The following CNBD1 variants were observed in gnomAD, a reference collection of about 807,000 sequenced individuals.
The protein encoded by CNBD1 is cyclic nucleotide binding domain containing 1, also known as cyclic nucleotide-binding domain-containing protein 1.
In CNBD1, 71 loss-of-function variants were observed where a neutral mutation model predicts 54.4. The observed-to-expected ratio is 1.30, with a 90% CI of 1.08 to 1.59. The LOEUF is 1.59. CNBD1 is among the 40% of genes most tolerant of loss of function. CNBD1 has a pLI of 0.00. For missense variants in CNBD1, 659 were observed against 518.0 expected (o/e 1.27, Z -2.64); for synonymous variants, 182 against 170.7 (o/e 1.07, Z -0.51).
rs185448759 is a variant in CNBD1, at chr8:87,426,243, G to A, written c.214-2303G>A. Among the ~76,000 whole-genome samples, 29 of 152,252 alleles carry A rather than the reference G, an allele frequency of 1.9e-4. No homozygotes were observed. The East Asian group carries it at 2.5e-3, about 13-fold the overall frequency. Reference sequence around the variant, plus strand: ...TGGCACTCCCTAGTGAGATGAACCCGGTACCTCAGATGGAAATGCAGAAAT... The same window carrying A: ...TGGCACTCCCTAGTGAGATGAACCCAGTACCTCAGATGGAAATGCAGAAAT... On this transcript the variant is annotated intron_variant, in intron 2 of 7. Transcript: ENST00000521593.
chr8:86,941,972 T>C (rs1349192848), intron 4 of CNBD1, among the ~76,000 whole-genome samples: 2 of 152,166 alleles, frequency 1.3e-5, no homozygotes, highest in African/African-American at 4.8e-5. Context: ...GGCTCAGAAT[T>C]GGGCAGCCAG....
At chr8:87,307,501 G>C (rs1277534889) in intron 8 of CNBD1, among the ~76,000 whole-genome samples, 2 of 152,154 alleles carry the variant, frequency 1.3e-5, no homozygotes, top group East Asian at 3.9e-4. Context: ...ATGTTTGGAG[G>C]CTGAGGCAGG....
At chr8:87,401,567 G>C (rs1327315948) in intron 2 of CNBD1, among the ~76,000 whole-genome samples, 1 of 151,816 alleles carries the variant, frequency 6.6e-6, no homozygotes, top group Non-Finnish European at 1.5e-5. Context: ...GTTATTTTTT[G>C]TTGTTGTTGA....
intron 8 of CNBD1, among the ~76,000 whole-genome samples, chr8:87,309,031 G>T (rs1186618984): frequency 1.3e-5 from 2 of 152,098 alleles, no homozygotes; most frequent in African/African-American, 4.8e-5. Flanking sequence ...TGGCTATTGT[G>T]AATAGTGCTA....
At chr8:87,348,974 C>G (rs1217429998) in intron 8 of CNBD1, among the ~76,000 whole-genome samples, 1 of 152,128 alleles carries the variant, frequency 6.6e-6, no homozygotes, top group Non-Finnish European at 1.5e-5. Flanking sequence ...TCATAATGAT[C>G]TAATGCTTTC....
intron 4 of CNBD1, among the ~76,000 whole-genome samples, chr8:86,950,900 C>T (rs1231109744): frequency 1.3e-5 from 2 of 152,062 alleles, no homozygotes; most frequent in Non-Finnish European, 2.9e-5. Context: ...GTGTTCATTT[C>T]TCCTAGATTT....
chr8:87,380,214 G>A lies in CNBD1; in HGVS notation c.1304-2406G>A, dbSNP rs988319402. 3.3e-5 allele frequency among the ~76,000 whole-genome samples: 5 copies of A among 151,854 alleles called. No individual in the cohort carries two copies. The South Asian group carries it at 6.2e-4, about 19-fold the overall frequency. ...TATTAAAATGTCAAATGTCAAGATA[G>A]AAATGCAAAATGTAATAGCTTCTCT... On this transcript the variant is annotated intron_variant, in intron 10 of 10. Transcript: ENST00000518476.
At chr8:87,411,066 G>A (rs1477275461) in intron 2 of CNBD1, among the ~76,000 whole-genome samples, 5 of 151,902 alleles carry the variant, frequency 3.3e-5, no homozygotes, top group Non-Finnish European at 5.9e-5. Flanking sequence ...AAATTTGTGT[G>A]ACTCGCTTTA....
At chr8:86,942,703 C>CGG (rs1184607637) in intron 4 of CNBD1, among the ~76,000 whole-genome samples, 2 of 152,192 alleles carry the variant, frequency 1.3e-5, no homozygotes, top group Non-Finnish European at 2.9e-5. Flanking sequence ...TATATCCCAT[C>CGG]GGGTTTTGCA....
chr8:87,105,541 C>G (rs901437906), intron 4 of CNBD1, among the ~76,000 whole-genome samples: 1 of 152,050 alleles, frequency 6.6e-6, no homozygotes, highest in Non-Finnish European at 1.5e-5. Context: ...CTTTTTCAGC[C>G]CTTGATAAAC....
rs1810016828 is a variant in CNBD1, at chr8:87,039,423, A to G, written c.431+99669A>G. On this transcript the variant is annotated intron_variant, in intron 4 of 10. Coordinates refer to ENST00000518476, the MANE Select transcript of CNBD1 (RefSeq NM_173538.3). ...CTATCATTATAGCCCTTTTGTCATT[A>G]CTGTTTCTGATGATATATTATTTCC... 2.6e-5 allele frequency among the ~76,000 whole-genome samples: 4 copies of G among 152,014 alleles called. No homozygotes were observed. The South Asian group carries it at 8.3e-4, about 31-fold the overall frequency.
At position 86,938,301 on chromosome 8, in the gene CNBD1, TC is replaced by T. The variant is rs1323544241; in HGVS notation, c.273-1292del. On this transcript the variant is annotated intron_variant, in intron 3 of 10. Transcript: ENST00000518476. ...CAAGTCTCTAGGAAGTTACAAAATT[TC>T]CCACATCCTCTTGTCTTCTTCTGAG... is the stretch of plus-strand genomic sequence containing the variant. Among the ~76,000 whole-genome samples, 3 of 152,178 alleles carry T rather than the reference TC, an allele frequency of 2.0e-5. No individual in the cohort carries two copies. The East Asian group carries it at 5.8e-4, about 29-fold the overall frequency.
At chr8:87,253,173 A>G (rs1031148748) in intron 6 of CNBD1, among the ~76,000 whole-genome samples, 6 of 151,968 alleles carry the variant, frequency 3.9e-5, no homozygotes, top group Non-Finnish European at 7.4e-5. Context: ...TTTTCCCTTT[A>G]CTCACTTATC....
rs780672461 is a variant in CNBD1, at chr8:86,866,575, G to C, written c.80G>C (p.Ser27Thr). The C allele has an allele frequency of 6.2e-7, 1 of 1,605,004 alleles. No individual in the cohort carries two copies. Among genetic ancestry groups the C allele is most frequent in the Non-Finnish European group, 8.5e-7 (1 of 1,174,064 alleles). The change falls in exon 1 of 11, where the codon AGT becomes ACT. Residue 27 changes from serine (S) to threonine (T), a missense_variant. By Grantham distance (58) the Ser-to-Thr change is moderately conservative. Coordinates refer to ENST00000518476, the MANE Select transcript of CNBD1 (RefSeq NM_173538.3). Reference protein sequence around the residue: ...INNVPPPPLHSIPNLKKSKHI... With the variant: ...INNVPPPPLHTIPNLKKSKHI... Reference sequence around the variant, plus strand: ...AATGTGCCTCCTCCTCCACTTCACAGTATACCAAGTGAGTGGGAAATACTT... The same window carrying C: ...AATGTGCCTCCTCCTCCACTTCACACTATACCAAGTGAGTGGGAAATACTT...
chr8:87,281,484 C>T lies in CNBD1; in HGVS notation c.772-3194C>T, dbSNP rs538145115. On this transcript the variant is annotated intron_variant, in intron 6 of 10. Transcript: ENST00000518476. ...TTCTAACTGTTCATTTTTTAAAAAA[C>T]GATTTTTAATATACTATCTACTATT... Among the ~76,000 whole-genome samples, 703 of 136,914 alleles carry T rather than the reference C, an allele frequency of 5.1e-3. 2 individuals carry two copies. The highest frequency in any genetic ancestry group is 9.0e-3 in the Non-Finnish European group (576 of 63,788). 89.8% of individuals were successfully genotyped at this position (136,914 alleles called of 152,430 possible). A position where few individuals can be genotyped will look rare whatever the true frequency, so the allele number is the denominator to read the frequency against.
chr8:87,112,828 T>C (rs1029928168), intron 4 of CNBD1, among the ~76,000 whole-genome samples: 1 of 152,004 alleles, frequency 6.6e-6, no homozygotes, highest in African/African-American at 2.4e-5. Context: ...CCTTAAAGAG[T>C]CTACTTCCTA....
rs1809741364 is a variant in CNBD1 at position 87,029,786 on chromosome 8, AT to A, written c.431+90035del. On this transcript the variant is annotated intron_variant, in intron 4 of 10. Transcript: ENST00000518476. ...AATTATGTTATTATTTTACATCTTT[AT>A]TTGTTAATTAGATTTTTGGTGTGAT... Among the ~76,000 whole-genome samples, 5 of 152,208 alleles carry A rather than the reference AT, an allele frequency of 3.3e-5. No homozygotes were observed. The South Asian group carries it at 1.0e-3, about 32-fold the overall frequency.
At chr8:87,346,233 G>A (rs1368210796) in intron 8 of CNBD1, among the ~76,000 whole-genome samples, 1 of 151,860 alleles carries the variant, frequency 6.6e-6, no homozygotes, top group African/African-American at 2.4e-5. Context: ...TAGAGATGGG[G>A]TTTCTCCATG....
chr8:86,944,874 C>T (rs1456747111), intron 4 of CNBD1, among the ~76,000 whole-genome samples: 4 of 151,996 alleles, frequency 2.6e-5, no homozygotes, highest in Non-Finnish European at 5.9e-5. Flanking sequence ...TGACAGTGGC[C>T]CATATTCTGT....
Sources: allele counts gnomAD v4.1 joint callset (sites outside exome capture counted in the v4.1 genomes callset), GRCh38; gene constraint gnomAD v4.1.1; transcripts MANE v1.5; gene names NCBI Gene and HGNC (gene_info 2026-07-23, HGNC 2026-07-21).